PLEKHA7: variants seen among roughly 807,000 people sequenced by gnomAD.
The protein encoded by PLEKHA7 is pleckstrin homology domain containing A7, also known as pleckstrin homology domain-containing family A member 7.
Under a neutral mutation model 170.0 loss-of-function variants are expected in PLEKHA7, and 104 were observed. The ratio of observed to expected loss-of-function variants is 0.61; its 90% CI spans 0.52 to 0.72. The LOEUF is 0.72. PLEKHA7 is among the 30% of genes least tolerant of loss of function. PLEKHA7 has a pLI of 0.00. For missense variants in PLEKHA7, 1,615 were observed against 1,671.7 expected (o/e 0.97, Z 0.59); for synonymous variants, 648 against 660.8 (o/e 0.98, Z 0.30).
At chr11:16,885,088 C>T (rs1253836604) in intron 3 of PLEKHA7, among the ~76,000 whole-genome samples, 1 of 152,200 alleles carries the variant, frequency 6.6e-6, no homozygotes, top group Non-Finnish European at 1.5e-5. Flanking sequence ...TGCCTGTAAT[C>T]CCAATACTTT....
chr11:16,860,424 G>GA (rs1436002769), intron 4 of PLEKHA7, among the ~76,000 whole-genome samples: 2 of 152,124 alleles, frequency 1.3e-5, no homozygotes, highest in Non-Finnish European at 2.9e-5. Context: ...TAGAATGAAG[G>GA]AATCAGAGCA....
intron 12 of PLEKHA7, among the ~76,000 whole-genome samples, chr11:16,814,115 GGAATGCCT>G (rs1849573348): frequency 1.3e-5 from 2 of 152,170 alleles, no homozygotes; most frequent in Admixed American, 1.3e-4. Flanking sequence ...CTTATGCATG[GGAATGCCT>G]GAAGGACAAC....
intron 3 of PLEKHA7, among the ~76,000 whole-genome samples, chr11:16,956,991 TC>T (rs934985126): frequency 1.3e-5 from 2 of 152,078 alleles, no homozygotes; most frequent in South Asian, 4.1e-4. Flanking sequence ...CATTATCACC[TC>T]CCCCCGTGGC....
At chr11:16,942,042 G>GT (rs1252479936) in intron 3 of PLEKHA7, among the ~76,000 whole-genome samples, 1 of 152,146 alleles carries the variant, frequency 6.6e-6, no homozygotes, top group Non-Finnish European at 1.5e-5. Flanking sequence ...TTACTCACGC[G>GT]TAAGTTCTAA....
Position 16,942,012 on chromosome 11 carries a change from A to C in PLEKHA7, c.222-70830T>G, listed in dbSNP as rs1004095986. Among the ~76,000 whole-genome samples the C allele has an allele frequency of 2.0e-5, 3 of 152,344 alleles. No homozygotes were observed. The South Asian group carries it at 6.2e-4, about 32-fold the overall frequency. On this transcript the variant is annotated intron_variant, in intron 3 of 26. Coordinates refer to ENST00000531066, the MANE Select transcript of PLEKHA7 (RefSeq NM_001329630.2). ...AGCATAAATATTGCTAACTGAATGA[A>C]TCCAGTGTTTACAGAGTGTTTACTC...
chr11:16,947,915 CAAAA>C (rs756124686), intron 3 of PLEKHA7, among the ~76,000 whole-genome samples: 2 of 67,030 alleles, frequency 3.0e-5, no homozygotes, highest in East Asian at 5.8e-4. Context: ...GACTCCGTCT[CAAAA>C]AAAAAAAAAA....
chr11:16,779,556 C>G (rs942811394), intron 26 of PLEKHA7, among the ~76,000 whole-genome samples: 1 of 152,104 alleles, frequency 6.6e-6, no homozygotes, highest in Non-Finnish European at 1.5e-5. Context: ...AAAGCCACAC[C>G]CTCAAATGTG....
At chr11:16,976,815 G>C (rs1174104563) in intron 3 of PLEKHA7, among the ~76,000 whole-genome samples, 5 of 152,212 alleles carry the variant, frequency 3.3e-5, no homozygotes, top group Non-Finnish European at 7.3e-5. Context: ...CCAAGGCAGG[G>C]GATCATGCCT....
intron 3 of PLEKHA7, among the ~76,000 whole-genome samples, chr11:16,889,400 C>CAAAAAAAAAAAAAA (rs869268116): frequency 5.7e-5 from 3 of 52,738 alleles, no homozygotes; most frequent in Non-Finnish European, 1.3e-4. Flanking sequence ...CTTTATTGCT[C>CAAAAAAAAAAAAAA]AAAAAAAAAA....
chr11:16,816,164 G>C lies in PLEKHA7; in HGVS notation c.1953+14C>G, dbSNP rs935289634. ...GATAGGGCTTTGCAGGCTATGTCTT[G>C]TCATTCACCCTACCGATTTTCCATG... On this transcript the variant is annotated intron_variant, in intron 12 of 26. Coordinates refer to ENST00000531066, the MANE Select transcript of PLEKHA7 (RefSeq NM_001329630.2). 6.3e-7 allele frequency: 1 copy of C among 1,598,118 alleles called. No individual in the cohort carries two copies. Among genetic ancestry groups the C allele is most frequent in the Non-Finnish European group, 8.6e-7 (1 of 1,165,558 alleles).
Position 16,826,364 on chromosome 11 carries a change from G to T in PLEKHA7, c.1099C>A (p.Pro367Thr). 6.2e-7 allele frequency: 1 copy of T among 1,614,258 alleles called. No individual in the cohort carries two copies. Among genetic ancestry groups the T allele is most frequent in the Non-Finnish European group, 8.5e-7 (1 of 1,180,048 alleles). Residue 367 changes from proline to threonine, a missense_variant, in exon 10 of 27, where the codon CCA becomes ACA. Physicochemically the swap from Pro to Thr is conservative, Grantham distance 38. Coordinates refer to ENST00000531066, the MANE Select transcript of PLEKHA7 (RefSeq NM_001329630.2). The part of the protein sequence containing the change: ...DRSKARSPYS[P>T]AEEDALFMDL... Reference sequence around the variant, plus strand: ...ATAAACAAGGCATCCTCCTCGGCTGGCGAGTACGGAGACCTGGCCTTGCTC... The same window carrying T: ...ATAAACAAGGCATCCTCCTCGGCTGTCGAGTACGGAGACCTGGCCTTGCTC...
intron 3 of PLEKHA7, among the ~76,000 whole-genome samples, chr11:16,978,870 G>C (rs924921371): frequency 1.3e-5 from 2 of 152,098 alleles, no homozygotes; most frequent in Non-Finnish European, 2.9e-5. Flanking sequence ...ACACACACAA[G>C]TACTCATACA....
Position 17,014,316 on chromosome 11 carries a change from TTGA to T in PLEKHA7, c.83_85del (p.Ile28del), listed in dbSNP as rs776884826. The T allele has an allele frequency of 6.9e-7, 1 of 1,442,332 alleles. No homozygotes were observed. Among genetic ancestry groups the T allele is most frequent in the Non-Finnish European group, 9.1e-7 (1 of 1,093,136 alleles). The allele number at this position is 1,442,332 out of a possible 1,614,324, so 89.3% of individuals were successfully genotyped here. A position where few individuals can be genotyped will look rare whatever the true frequency, so the allele number is the denominator to read the frequency against. ...GCGTCCCCGGGTCCTCGCGCCGCAC[TTGA>T]TGAAGAAGACGCGGCCATCCCGGCA... On this transcript the variant is annotated inframe_deletion and splice_region_variant, in exon 1 of 27. Transcript: ENST00000531066.
intron 12 of PLEKHA7, among the ~76,000 whole-genome samples, chr11:16,814,057 G>A (rs1355040233): frequency 6.6e-6 from 1 of 152,188 alleles, no homozygotes; most frequent in African/African-American, 2.4e-5. Flanking sequence ...ACAGCTCTGA[G>A]GTAAGACAGT....
intron 3 of PLEKHA7, among the ~76,000 whole-genome samples, chr11:17,001,786 G>C (rs1293339813): frequency 6.7e-6 from 1 of 150,208 alleles, no homozygotes; most frequent in Non-Finnish European, 1.5e-5. Flanking sequence ...CCCAGGAAGA[G>C]ACTGCACACT....
chr11:16,851,672 T>C (rs889464901), intron 7 of PLEKHA7, among the ~76,000 whole-genome samples: 7 of 152,214 alleles, frequency 4.6e-5, no homozygotes, highest in African/African-American at 1.4e-4. Context: ...TGGTCTCGAA[T>C]GCCTGACCTC....
chr11:16,965,295 C>G (rs1862304387), intron 3 of PLEKHA7, among the ~76,000 whole-genome samples: 1 of 151,644 alleles, frequency 6.6e-6, no homozygotes, highest in Non-Finnish European at 1.5e-5. Context: ...TGCGCTCTAG[C>G]CTGGATGACA....
chr11:16,841,404 T>C (rs1383967685), intron 9 of PLEKHA7, 143 bp downstream of exon 9: 1 of 912,580 alleles, frequency 1.1e-6, no homozygotes, highest in Non-Finnish European at 1.6e-6. Flanking sequence ...CTTAGTGTTT[T>C]TGTTTAATGA....
chr11:16,883,493 C>A (rs1855858510), intron 3 of PLEKHA7, among the ~76,000 whole-genome samples: 2 of 152,170 alleles, frequency 1.3e-5, no homozygotes, highest in Admixed American at 1.3e-4. Flanking sequence ...CTCCATGGCT[C>A]CTCATGTTAA....
Sources: allele counts gnomAD v4.1 joint callset (sites outside exome capture counted in the v4.1 genomes callset), GRCh38; gene constraint gnomAD v4.1.1; transcripts MANE v1.5; gene names NCBI Gene and HGNC (gene_info 2026-07-23, HGNC 2026-07-21).